GGACT: variants seen among roughly 807,000 people sequenced by gnomAD.
GGACT encodes the protein gamma-glutamylaminecyclotransferase.
For missense variants in GGACT, 241 were observed against 233.2 expected (o/e 1.03, Z -0.22); for synonymous variants, 118 against 115.3 (o/e 1.02, Z -0.15).
intron 2 of GGACT, among the ~76,000 whole-genome samples, chr13:100,578,691 A>C (rs1002074847): frequency 2.6e-5 from 4 of 152,214 alleles, no homozygotes; most frequent in Non-Finnish European, 4.4e-5. Flanking sequence ...TCCTCTTATA[A>C]GTTTTTATTA....
rs901701836 is a variant in GGACT at position 100,534,519 on chromosome 13, T to C, written c.-10-1918A>G. Among the ~76,000 whole-genome samples, 1 of 152,074 alleles carries C rather than the reference T, an allele frequency of 6.6e-6. No homozygotes were observed. The highest frequency in any genetic ancestry group is 2.4e-5 in the African/African-American group (1 of 41,394). ...AAAAGGCACCAGCTGAGAGCAGCGCTGGTGTCTGGAGAGGGCACTGGATGG... is the reference window on the plus strand; with the variant it reads ...AAAAGGCACCAGCTGAGAGCAGCGCCGGTGTCTGGAGAGGGCACTGGATGG... On this transcript the variant is annotated intron_variant, in intron 2 of 2. Coordinates refer to ENST00000683975, the MANE Select transcript of GGACT (RefSeq NM_001195087.2). This position sits in a 1 kb window ranked among gnomAD's most constrained non-coding sequence, Gnocchi z 4.9.
chr13:100,582,983 T>G (rs1281956102), intron 2 of GGACT, among the ~76,000 whole-genome samples: 1 of 152,202 alleles, frequency 6.6e-6, no homozygotes, highest in Non-Finnish European at 1.5e-5. Context: ...AACTTCCCCC[T>G]GCTATTTTTT....
chr13:100,563,880 T>C (rs1169123394), intron 2 of GGACT, among the ~76,000 whole-genome samples: 1 of 152,120 alleles, frequency 6.6e-6, no homozygotes, highest in East Asian at 1.9e-4. Flanking sequence ...AGGAGGTGGG[T>C]GCCTTCCAGG....
At chr13:100,536,053 A>G (rs1401703078) in intron 2 of GGACT, 2 of 152,066 alleles carry the variant, frequency 1.3e-5, no homozygotes, top group African/African-American at 4.8e-5. Flanking sequence ...TGCGTAGAGG[A>G]TTCTAGAAAT....
chr13:100,567,571 T>C (rs1874934342), intron 2 of GGACT, among the ~76,000 whole-genome samples: 1 of 152,248 alleles, frequency 6.6e-6, no homozygotes, highest in Admixed American at 6.5e-5. Context: ...AAGATCTGGG[T>C]GCAGGGTGTG....
chr13:100,585,076 T>C (rs1038692085), intron 1 of GGACT, among the ~76,000 whole-genome samples: 4 of 152,114 alleles, frequency 2.6e-5, no homozygotes, highest in Non-Finnish European at 4.4e-5. Context: ...TAACTTCTAG[T>C]TTACAGGAAA....
At chr13:100,544,851 A>G (rs2088590224) in intron 2 of GGACT, among the ~76,000 whole-genome samples, 1 of 152,258 alleles carries the variant, frequency 6.6e-6, no homozygotes, top group Admixed American at 6.5e-5. Context: ...TCAAGTATGG[A>G]AAGGAATCAC....
At chr13:100,588,501 G>T (rs896541652) in intron 1 of GGACT, 1 of 152,182 alleles carries the variant, frequency 6.6e-6, no homozygotes, top group African/African-American at 2.4e-5. Flanking sequence ...CGCGCCCGTG[G>T]CCCCCGCGCG....
chr13:100,575,985 G>T (rs2153016707), intron 2 of GGACT, among the ~76,000 whole-genome samples: 1 of 152,212 alleles, frequency 6.6e-6, no homozygotes, highest in East Asian at 1.9e-4. Flanking sequence ...TATAATGAAT[G>T]GATCTTGCAT....
chr13:100,587,211 T>C (rs1023952266), intron 1 of GGACT: 4 of 152,132 alleles, frequency 2.6e-5, no homozygotes, highest in Non-Finnish European at 5.9e-5. Flanking sequence ...ACTTCAAGAA[T>C]GGACACAGAT....
intron 2 of GGACT, among the ~76,000 whole-genome samples, chr13:100,563,438 G>A (rs1417772322): frequency 6.6e-6 from 1 of 152,146 alleles, no homozygotes; most frequent in Non-Finnish European, 1.5e-5. Flanking sequence ...AATAATCATG[G>A]AATCCTTCAC....
chr13:100,579,799 A>G (rs764300918), intron 2 of GGACT, among the ~76,000 whole-genome samples: 1 of 152,140 alleles, frequency 6.6e-6, no homozygotes, highest in African/African-American at 2.4e-5. Flanking sequence ...GAAAGCTCCT[A>G]TGTCATTTAA....
chr13:100,584,758 C>A (rs1875515655), intron 1 of GGACT, among the ~76,000 whole-genome samples: 2 of 152,096 alleles, frequency 1.3e-5, no homozygotes, highest in African/African-American at 4.8e-5. Context: ...ATCTCATATA[C>A]ACCTATTACT....
chr13:100,531,409 A>AACTT lies in GGACT; in HGVS notation c.*717_*720dup, dbSNP rs1456911109. On this transcript the variant is annotated 3_prime_UTR_variant, in exon 3 of 3. Coordinates refer to ENST00000683975, the MANE Select transcript of GGACT (RefSeq NM_001195087.2). ...GGCTACTGAGATCTGGGCTCAGATAAACTTCCACTTGAAGTCCGGGCGCTC... is the reference window on the plus strand; with the variant it reads ...GGCTACTGAGATCTGGGCTCAGATAAACTTACTTCCACTTGAAGTCCGGGCGCTC... The AACTT allele has an allele frequency of 6.6e-6, 1 of 152,208 alleles. No individual in the cohort carries two copies. The highest frequency in any genetic ancestry group is 2.4e-5 in the African/African-American group (1 of 41,448). 9.4% of individuals were successfully genotyped at this position (152,208 alleles called of 1,614,324 possible). A position where few individuals can be genotyped will look rare whatever the true frequency, so the allele number is the denominator to read the frequency against.
At chr13:100,570,894 G>A (rs975705942) in intron 2 of GGACT, among the ~76,000 whole-genome samples, 18 of 151,998 alleles carry the variant, frequency 1.2e-4, no homozygotes, top group East Asian at 5.8e-4. Context: ...ATGATGTATC[G>A]CTACTTATTT....
rs140202506 is a variant in GGACT, at chr13:100,547,264, A to G, written c.-10-14663T>C. On this transcript the variant is annotated intron_variant, in intron 2 of 2. Coordinates refer to ENST00000683975, the MANE Select transcript of GGACT (RefSeq NM_001195087.2). ...CCCCCATCACAGCCACTGACAATGA[A>G]CCTGCAAAACTCACCTCCCGGGACA... Among the ~76,000 whole-genome samples the G allele has an allele frequency of 2.1e-3, 318 of 152,258 alleles. 8 individuals carry two copies. The East Asian group carries it at 0.039, about 19-fold the overall frequency.
rs1302655383 is a variant in GGACT, at chr13:100,539,582, A to C, written c.-10-6981T>G. ...TTGGCCATTGCATATAATCCTTTTA[A>C]TGTGTTGTTGAATTCTGTTTGCTAG... On this transcript the variant is annotated intron_variant, in intron 2 of 2. Transcript: ENST00000683975. The C allele has an allele frequency of 1.6e-5, 6 of 369,386 alleles. No individual in the cohort carries two copies. The East Asian group carries it at 3.0e-4, about 18-fold the overall frequency. 22.9% of individuals were successfully genotyped at this position (369,386 alleles called of 1,614,324 possible).
At chr13:100,544,640 C>T (rs2088588291) in intron 2 of GGACT, among the ~76,000 whole-genome samples, 1 of 152,234 alleles carries the variant, frequency 6.6e-6, no homozygotes, top group African/African-American at 2.4e-5. Flanking sequence ...ATCAAACGGA[C>T]ACTTGGTCCC....
rs943388777 is a variant in GGACT at position 100,534,926 on chromosome 13, CAGG to C, written c.-10-2328_-10-2326del. ...CGACCAGCGCCTGACCTGGAGGGTG[CAGG>C]AGTAGTAGGCAGGGCCTACTCAGTC... On this transcript the variant is annotated intron_variant, in intron 2 of 2. Transcript: ENST00000683975. This position sits in a 1 kb window ranked among gnomAD's most constrained non-coding sequence, Gnocchi z 4.9. 2.6e-5 allele frequency among the ~76,000 whole-genome samples: 4 copies of C among 152,236 alleles called. No individual in the cohort carries two copies. The highest frequency in any genetic ancestry group is 2.9e-5 in the Non-Finnish European group (2 of 68,044).
Sources: allele counts gnomAD v4.1 joint callset (sites outside exome capture counted in the v4.1 genomes callset), GRCh38; gene constraint gnomAD v4.1.1; non-coding constraint Gnocchi (gnomAD v3.1); transcripts MANE v1.5; gene names NCBI Gene and HGNC (gene_info 2026-07-23, HGNC 2026-07-21).